The following RPS6KA2 variants were observed in gnomAD, a reference collection of about 807,000 sequenced individuals.
RPS6KA2 encodes ribosomal protein S6 kinase A2.
A neutral mutation model predicts 91.8 loss-of-function variants in RPS6KA2; 42 were observed. The observed-to-expected ratio is 0.46, with a 90% confidence interval of 0.36 to 0.59. The LOEUF is 0.59. RPS6KA2 is among the 20% of genes least tolerant of loss of function. RPS6KA2 has a pLI of 0.00. For synonymous variants in RPS6KA2, 414 were observed against 393.6 expected, an observed-to-expected ratio of 1.05 and a Z score of -0.61; for missense variants, 798 against 978.5, an observed-to-expected ratio of 0.82 and a Z score of 2.46.
intron 1 of RPS6KA2, among the ~76,000 whole-genome samples, chr6:166,579,691 A>T (rs1784945680): frequency 6.6e-6 from 1 of 152,192 alleles, no homozygotes; most frequent in Non-Finnish European, 1.5e-5. Flanking sequence ...AAAAGTGTCA[A>T]CCGCTCCTTT....
At chr6:166,827,536 CAAAT>C (rs1780080813) in intron 2 of RPS6KA2, among the ~76,000 whole-genome samples, 1 of 152,090 alleles carries the variant, frequency 6.6e-6, no homozygotes. Context: ...GCTCTACTCG[CAAAT>C]AAACATTTTC....
chr6:166,795,390 C>G (rs1232791226), intron 2 of RPS6KA2, among the ~76,000 whole-genome samples: 1 of 152,194 alleles, frequency 6.6e-6, no homozygotes, highest in Non-Finnish European at 1.5e-5. Context: ...TGCTTTCACT[C>G]AAAAAACTGA....
chr6:166,580,545 C>G lies in RPS6KA2; in HGVS notation c.100-41761G>C, dbSNP rs767456394. 2.6e-5 allele frequency among the ~76,000 whole-genome samples: 4 copies of G among 152,132 alleles called. No individual in the cohort carries two copies. The East Asian group carries it at 5.8e-4, about 22-fold the overall frequency. ...AGAAAGTTTACAAATTTGTGTTGGG[C>G]GACATTCAAAGCCCCTGGGCCACGG... On this transcript the variant is annotated intron_variant, in intron 1 of 20. Coordinates refer to ENST00000265678, the MANE Select transcript of RPS6KA2 (RefSeq NM_021135.6).
intron 2 of RPS6KA2, among the ~76,000 whole-genome samples, chr6:166,713,081 T>C (rs1228704677): frequency 1.3e-5 from 2 of 152,218 alleles, no homozygotes; most frequent in Admixed American, 6.5e-5. Flanking sequence ...CCCATGCTTC[T>C]TCCCAAGGTC....
intron 2 of RPS6KA2, among the ~76,000 whole-genome samples, chr6:166,813,329 C>A (rs975469003): frequency 2.0e-5 from 3 of 152,200 alleles, no homozygotes; most frequent in Non-Finnish European, 2.9e-5. Context: ...CCATGTGGAG[C>A]TCCCTGGAAG....
intron 3 of RPS6KA2, among the ~76,000 whole-genome samples, chr6:166,518,472 T>A (rs145614482): frequency 3.1e-3 from 469 of 151,574 alleles, no homozygotes; most frequent in Non-Finnish European, 4.8e-3. Flanking sequence ...AGAAAAAAGG[T>A]CAAAAGCCAA....
At chr6:166,735,433 G>A in intron 2 of RPS6KA2, among the ~76,000 whole-genome samples, 1 of 152,164 alleles carries the variant, frequency 6.6e-6, no homozygotes, top group East Asian at 1.9e-4. Context: ...GTGGGGGACA[G>A]TTTCAGGATG....
At position 166,852,090 on chromosome 6, in the gene RPS6KA2, G is replaced by A. The variant is rs1397431728; in HGVS notation, c.123+6110C>T. 2.6e-5 allele frequency among the ~76,000 whole-genome samples: 4 copies of A among 152,138 alleles called. No individual in the cohort carries two copies. The highest frequency in any genetic ancestry group is 2.1e-4 in the South Asian group (1 of 4,816). On this transcript the variant is annotated intron_variant, in intron 2 of 21. Transcript: ENST00000503859. This position sits in a 1 kb window ranked among gnomAD's most constrained non-coding sequence, Gnocchi z 4.1. ...CTGCAGTGGCTTAGCCGCATCACCC[G>A]CTTTCCAGGAGGCATGATGCTTACC...
intron 10 of RPS6KA2, among the ~76,000 whole-genome samples, chr6:166,471,609 G>A (rs573819882): frequency 1.3e-5 from 2 of 152,364 alleles, no homozygotes; most frequent in South Asian, 2.1e-4. Flanking sequence ...CCATGAGGAC[G>A]CAGAATCATA....
chr6:166,598,902 C>G (rs1008896035), intron 1 of RPS6KA2, among the ~76,000 whole-genome samples: 18 of 152,226 alleles, frequency 1.2e-4, no homozygotes, highest in African/African-American at 4.3e-4. Context: ...GGCTCACTCT[C>G]AAGTGGTCCT....
In RPS6KA2 at chr6:166,598,213, C is replaced by T. The variant is rs895032358; in HGVS notation, c.99+28708G>A. 5.9e-5 allele frequency among the ~76,000 whole-genome samples: 9 copies of T among 152,316 alleles called. No individual in the cohort carries two copies. The East Asian group carries it at 1.2e-3, about 20-fold the overall frequency. On this transcript the variant is annotated intron_variant, in intron 1 of 20. Transcript: ENST00000265678. ...TGTGGGGCCAAATTGGAGCACAGGA[C>T]GGCATTTGTTGAACCGTTCTGATTT...
chr6:166,830,965 T>G (rs1343533645), intron 2 of RPS6KA2, among the ~76,000 whole-genome samples: 1 of 152,194 alleles, frequency 6.6e-6, no homozygotes, highest in Non-Finnish European at 1.5e-5. Context: ...TCCCTTGGGC[T>G]GGGTCACACG....
intron 1 of RPS6KA2, among the ~76,000 whole-genome samples, chr6:166,599,614 T>G (rs1307130090): frequency 6.6e-6 from 1 of 151,988 alleles, no homozygotes; most frequent in Non-Finnish European, 1.5e-5. Flanking sequence ...GGGATATGTA[T>G]CTCTAAAAAT....
At chr6:166,467,296 G>A (rs528334474) in intron 11 of RPS6KA2, among the ~76,000 whole-genome samples, 17 of 151,826 alleles carry the variant, frequency 1.1e-4, no homozygotes, top group Non-Finnish European at 2.2e-4. Flanking sequence ...TTTGAGCCAG[G>A]CCCTGTTTTA....
At chr6:166,707,898 C>T (rs899310292) in intron 2 of RPS6KA2, among the ~76,000 whole-genome samples, 4 of 152,052 alleles carry the variant, frequency 2.6e-5, no homozygotes, top group Non-Finnish European at 4.4e-5. Flanking sequence ...TGTGCACCAC[C>T]GTGCCCAGAT....
At chr6:166,451,751 G>C (rs1779924602) in intron 12 of RPS6KA2, among the ~76,000 whole-genome samples, 1 of 152,220 alleles carries the variant, frequency 6.6e-6, no homozygotes, top group Non-Finnish European at 1.5e-5. Flanking sequence ...GGACATTTGG[G>C]CAACGTTTCT....
At chr6:166,738,749 G>A (rs1383363900) in intron 2 of RPS6KA2, among the ~76,000 whole-genome samples, 1 of 152,192 alleles carries the variant, frequency 6.6e-6, no homozygotes, top group East Asian at 1.9e-4. Flanking sequence ...ACATAGAACT[G>A]GAAAGATATC....
chr6:166,645,876 G>A (rs1173876753), intron 2 of RPS6KA2, among the ~76,000 whole-genome samples: 1 of 152,134 alleles, frequency 6.6e-6, no homozygotes, highest in Non-Finnish European at 1.5e-5. Flanking sequence ...ATGGATATTT[G>A]GCCAAGTCTG....
intron 10 of RPS6KA2, among the ~76,000 whole-genome samples, chr6:166,471,663 T>C (rs1176793655): frequency 1.3e-5 from 2 of 152,340 alleles, no homozygotes; most frequent in African/African-American, 2.4e-5. Flanking sequence ...CGATGCACAA[T>C]TGCTGTTCCC....
Sources: gnomAD v4.1 joint callset for allele counts (sites outside exome capture counted in the v4.1 genomes callset) on GRCh38, gnomAD v4.1.1 for gene constraint, Gnocchi (gnomAD v3.1) non-coding constraint, MANE v1.5 for transcripts, NCBI Gene and HGNC (gene_info 2026-07-23, HGNC 2026-07-21) for gene names.